The following LINGO2 variants were observed in gnomAD, a reference collection of about 807,000 sequenced individuals.
LINGO2 encodes the protein leucine-rich repeat and immunoglobulin-like domain-containing nogo receptor-interacting protein 2.
A neutral mutation model predicts 30.6 loss-of-function variants in LINGO2; 14 were observed. That is an observed-to-expected ratio of 0.46 (90% CI 0.30 to 0.72). The LOEUF is 0.72. LINGO2 is among the 30% of genes least tolerant of loss of function. LINGO2 has a pLI of 0.07. For missense variants in LINGO2, 729 were observed against 751.7 expected (o/e 0.97, Z 0.35); for synonymous variants, 317 against 288.5 (o/e 1.10, Z -1.00).
At chr9:28,436,852 C>T (rs1018836331) in intron 2 of LINGO2, among the ~76,000 whole-genome samples, 2 of 152,140 alleles carry the variant, frequency 1.3e-5, no homozygotes, top group Non-Finnish European at 2.9e-5. Context: ...TCCTTACCAC[C>T]GCAAGGCCTG....
chr9:28,741,414 C>T, the LINGO2 span, among the ~76,000 whole-genome samples: 1 of 151,860 alleles, frequency 6.6e-6, no homozygotes, highest in Non-Finnish European at 1.5e-5. Flanking sequence ...TAGAATCATT[C>T]ACAGAGGATG....
the LINGO2 span, among the ~76,000 whole-genome samples, chr9:28,940,481 T>C: frequency 1.3e-5 from 2 of 152,144 alleles, no homozygotes; most frequent in Admixed American, 6.5e-5. Context: ...TTTTTTAACT[T>C]TAAATGACAA....
chr9:28,645,468 T>C (rs1827795955), intron 1 of LINGO2, among the ~76,000 whole-genome samples: 1 of 152,156 alleles, frequency 6.6e-6, no homozygotes. Flanking sequence ...AGTACACTAA[T>C]ATCTGAATCT....
At chr9:28,911,551 GATCATTATTT>G in the LINGO2 span, among the ~76,000 whole-genome samples, 1 of 151,884 alleles carries the variant, frequency 6.6e-6, no homozygotes, top group African/African-American at 2.4e-5. Context: ...AATTCTCCTT[GATCATTATTT>G]ATCATTATTT....
At chr9:28,101,678 G>A (rs1191286141) in intron 4 of LINGO2, among the ~76,000 whole-genome samples, 6 of 152,118 alleles carry the variant, frequency 3.9e-5, no homozygotes, top group Admixed American at 3.9e-4. Flanking sequence ...TTTGTCTCTG[G>A]GAGAGTTAAA....
At chr9:28,561,771 A>ATATC in intron 1 of LINGO2, among the ~76,000 whole-genome samples, 1 of 136,600 alleles carries the variant, frequency 7.3e-6, no homozygotes, top group Non-Finnish European at 1.6e-5. Flanking sequence ...ATATATATAT[A>ATATC]TATATATATA....
At chr9:28,450,725 C>T (rs1427488085) in intron 2 of LINGO2, among the ~76,000 whole-genome samples, 4 of 151,976 alleles carry the variant, frequency 2.6e-5, no homozygotes, top group African/African-American at 4.8e-5. Context: ...GTGTTCCTGA[C>T]TATGGGTTGA....
chr9:28,603,789 T>C (rs1030146242), intron 1 of LINGO2, among the ~76,000 whole-genome samples: 3 of 152,038 alleles, frequency 2.0e-5, no homozygotes, highest in Non-Finnish European at 4.4e-5. Flanking sequence ...ATTTATTCTT[T>C]GGCATAGTTC....
At chr9:29,078,098 A>G in the LINGO2 span, among the ~76,000 whole-genome samples, 2 of 152,008 alleles carry the variant, frequency 1.3e-5, no homozygotes, top group African/African-American at 2.4e-5. Flanking sequence ...GATTATTAAC[A>G]TTAATTTTGA....
At chr9:29,146,374 CAAAA>C in the LINGO2 span, among the ~76,000 whole-genome samples, 3 of 139,358 alleles carry the variant, frequency 2.2e-5, no homozygotes, top group East Asian at 7.2e-4. Flanking sequence ...AACAAACAAA[CAAAA>C]AAAAACCAGC....
the LINGO2 span, among the ~76,000 whole-genome samples, chr9:28,783,244 C>G: frequency 6.6e-6 from 1 of 151,888 alleles, no homozygotes. Flanking sequence ...GTTCTAGAAC[C>G]CCCTCCCTTA....
exon 6 of LINGO2, chr9:27,950,506 G>C (rs1360459656): frequency 6.3e-7 from 1 of 1,593,094 alleles, no homozygotes; most frequent in Non-Finnish European, 8.6e-7. Context: ...GTTTCGATGG[G>C]AATGCCCTCT....
intron 4 of LINGO2, among the ~76,000 whole-genome samples, chr9:28,168,017 T>A (rs1174163321): frequency 2.0e-5 from 3 of 152,198 alleles, no homozygotes; most frequent in African/African-American, 7.2e-5. Context: ...ATGTTTATAC[T>A]CCTTCATCCC....
the LINGO2 span, among the ~76,000 whole-genome samples, chr9:29,197,323 A>G: frequency 2.6e-5 from 4 of 152,046 alleles, no homozygotes; most frequent in Admixed American, 1.3e-4. Flanking sequence ...GTACTGCTCA[A>G]TCTCATCAAG....
intron 1 of LINGO2, among the ~76,000 whole-genome samples, chr9:28,489,294 C>T (rs1027804979): frequency 1.4e-4 from 21 of 152,204 alleles, no homozygotes; most frequent in Non-Finnish European, 2.5e-4. Context: ...CTCAGCCTTC[C>T]AAGTAGCTGG....
the LINGO2 span, among the ~76,000 whole-genome samples, chr9:28,720,521 A>G: frequency 1.3e-5 from 2 of 151,994 alleles, no homozygotes; most frequent in Non-Finnish European, 1.5e-5. Context: ...CAGTTCTCCC[A>G]CACGGAATTC....
chr9:28,789,475 G>A, the LINGO2 span, among the ~76,000 whole-genome samples: 1 of 152,016 alleles, frequency 6.6e-6, no homozygotes, highest in Non-Finnish European at 1.5e-5. Flanking sequence ...TTTCACTGCT[G>A]GCCTCATCTC....
chr9:29,110,839 C>A, the LINGO2 span, among the ~76,000 whole-genome samples: 2 of 151,380 alleles, frequency 1.3e-5, no homozygotes, highest in African/African-American at 4.9e-5. Flanking sequence ...TACAGGCGCT[C>A]GCCACCACGC....
chr9:29,029,776 C>A, the LINGO2 span, among the ~76,000 whole-genome samples: 1 of 152,072 alleles, frequency 6.6e-6, no homozygotes, highest in African/African-American at 2.4e-5. Context: ...CAAGACTCTC[C>A]TCTCTTTTCG....
Sources: gnomAD v4.1 joint callset for allele counts (sites outside exome capture counted in the v4.1 genomes callset) on GRCh38, gnomAD v4.1.1 for gene constraint, MANE v1.5 for transcripts, NCBI Gene and HGNC (gene_info 2026-07-23, HGNC 2026-07-21) for gene names.